Variants in NSMAF observed in about 807,000 individuals in gnomAD.
The protein encoded by NSMAF is protein FAN.
NSMAF carries 90 observed loss-of-function variants against 134.9 expected under a neutral mutation model. The ratio of observed to expected loss-of-function variants is 0.67; its 90% CI spans 0.56 to 0.79. The LOEUF is 0.79. Among genes scored for constraint, NSMAF ranks in the 30% least tolerant of loss-of-function variants. The pLI is 0.00. For synonymous variants in NSMAF, 358 were observed against 389.6 expected (o/e 0.92, Z 0.96); for missense variants, 1,010 against 1,119.0 (o/e 0.90, Z 1.39).
At chr8:58,611,859 GGA>G (rs1483102344) in intron 9 of NSMAF, among the ~76,000 whole-genome samples, 1 of 152,100 alleles carries the variant, frequency 6.6e-6, no homozygotes, top group Non-Finnish European at 1.5e-5. Context: ...ATAGGACAGA[GGA>G]AATGGAGAAG....
intron 9 of NSMAF, among the ~76,000 whole-genome samples, chr8:58,617,918 C>T (rs1806699013): frequency 6.6e-6 from 1 of 152,188 alleles, no homozygotes; most frequent in South Asian, 2.1e-4. Flanking sequence ...ACCCAAATGT[C>T]CATCAATGAT....
intron 1 of NSMAF, 136 bp downstream of exon 1, chr8:58,659,437 C>A (rs1437687264): frequency 1.3e-6 from 2 of 1,500,046 alleles, no homozygotes; most frequent in South Asian, 2.5e-5. Context: ...CCAGCCCAGG[C>A]CCTGGACACG....
At position 58,597,793 on chromosome 8, in the gene NSMAF, C is replaced by A. The variant is rs1405810864; in HGVS notation, c.1628+67G>T. On this transcript the variant is annotated intron_variant, in intron 20 of 30. Transcript: ENST00000038176. ...CCATACCTCAACCTTCAAATAAATA[C>A]ATTAATAATTTAGATAAAGACATAT... is the stretch of plus-strand genomic sequence containing the variant. The A allele has an allele frequency of 1.6e-5, 18 of 1,154,938 alleles. No individual in the cohort carries two copies. In the East Asian group the frequency reaches 3.7e-4, roughly 24 times the overall value. The allele number at this position is 1,154,938 out of a possible 1,614,324, so 71.5% of individuals were successfully genotyped here.
chr8:58,625,410 G>A (rs952850456), intron 6 of NSMAF, among the ~76,000 whole-genome samples: 2 of 152,104 alleles, frequency 1.3e-5, no homozygotes, highest in Non-Finnish European at 2.9e-5. Flanking sequence ...ATGTATGTAT[G>A]TATGTATATA....
At position 58,619,184 on chromosome 8, in the gene NSMAF, C is replaced by T. The variant is rs140301116; in HGVS notation, c.557+4036G>A. Among the ~76,000 whole-genome samples the T allele has an allele frequency of 2.6e-3, 398 of 152,190 alleles. 1 individual carries two copies. The highest frequency in any genetic ancestry group is 0.012 in the South Asian group (56 of 4,820). On this transcript the variant is annotated intron_variant, in intron 9 of 30. Transcript: ENST00000038176. ...AGTATAAAAATGGAAATAAAATTAA[C>T]GCTATATAGTGAAGCAGAGAAAGAA...
intron 9 of NSMAF, among the ~76,000 whole-genome samples, chr8:58,621,294 T>C (rs1468160516): frequency 6.6e-6 from 1 of 152,244 alleles, no homozygotes; most frequent in Non-Finnish European, 1.5e-5. Context: ...TCTTTTTTTA[T>C]GGCTGCAAAG....
chr8:58,611,232 T>C (rs10957061), intron 9 of NSMAF, among the ~76,000 whole-genome samples: 2,785 of 152,160 alleles, frequency 0.018, 101 homozygotes, highest in African/African-American at 0.063. Context: ...AAGATAACTA[T>C]AGTAAATATG....
chr8:58,599,738 G>T lies in NSMAF; in HGVS notation c.1453+12C>A. ...CATGTCTATAATACAACACCTCCAA[G>T]GGGGGACTCACTGGAAGCCCAAGGG... is the stretch of plus-strand genomic sequence containing the variant. On this transcript the variant is annotated intron_variant, in intron 18 of 30. Transcript: ENST00000038176. 2 of 1,612,476 alleles carry T rather than the reference G, an allele frequency of 1.2e-6. No homozygotes were observed. Among genetic ancestry groups the T allele is most frequent in the Non-Finnish European group, 1.7e-6 (2 of 1,179,124 alleles).
Position 58,607,794 on chromosome 8 carries a change from T to C in NSMAF, c.734A>G (p.Lys245Arg), listed in dbSNP as rs776576524. The change falls in exon 11 of 31, where the codon AAA becomes AGA. Residue 245 changes from lysine to arginine, a missense_variant. Coordinates refer to ENST00000038176, the MANE Select transcript of NSMAF (RefSeq NM_003580.4). ...CAGAGGCATGAGGCCGTGCCTCCTT[T>C]TGTAGATGCGGCGGACATCTTGGAG... ...ITLQDVRRIY[K>R]RRHGLMPLGL... 1 of 1,614,204 alleles carries C rather than the reference T, an allele frequency of 6.2e-7. No homozygotes were observed. The highest frequency in any genetic ancestry group is 1.7e-5 in the Admixed American group (1 of 60,032).
Position 58,625,010 on chromosome 8 carries a change from A to T in NSMAF, c.385-1230T>A, listed in dbSNP as rs190580189. On this transcript the variant is annotated intron_variant, in intron 6 of 30. Coordinates refer to ENST00000038176, the MANE Select transcript of NSMAF (RefSeq NM_003580.4). ...AGAGTGACCAAATATTTAGTTAAAC[A>T]TTATCCCTGGGTGTATCTGTGAGGA... Among the ~76,000 whole-genome samples, 23 of 152,298 alleles carry T rather than the reference A, an allele frequency of 1.5e-4. No individual in the cohort carries two copies. The East Asian group carries it at 3.7e-3, about 24-fold the overall frequency.
chr8:58,592,283 G>A (rs1460647432), intron 23 of NSMAF, among the ~76,000 whole-genome samples: 1 of 152,104 alleles, frequency 6.6e-6, no homozygotes, highest in East Asian at 1.9e-4. Context: ...CACTGCAGCA[G>A]CCTGGGTTCA....
In NSMAF at chr8:58,599,566, A is replaced by T. The variant is rs545725960; in HGVS notation, c.1453+184T>A. On this transcript the variant is annotated intron_variant, in intron 18 of 30. Coordinates refer to ENST00000038176, the MANE Select transcript of NSMAF (RefSeq NM_003580.4). Reference sequence around the variant, plus strand: ...ATCATTTTCACATTAAGGTCTCTCAAATATATATTAATGTTTTTACATCAC... The same window carrying T: ...ATCATTTTCACATTAAGGTCTCTCATATATATATTAATGTTTTTACATCAC... 209 of 873,800 alleles carry T rather than the reference A, an allele frequency of 2.4e-4. 2 individuals carry two copies. In the Middle Eastern group the frequency reaches 2.6e-3, roughly 11 times the overall value. The allele number at this position is 873,800 out of a possible 1,614,324, so 54.1% of individuals were successfully genotyped here.
chr8:58,636,024 T>C (rs1347620713), intron 2 of NSMAF, among the ~76,000 whole-genome samples: 2 of 152,234 alleles, frequency 1.3e-5, no homozygotes, highest in African/African-American at 4.8e-5. Flanking sequence ...ATGATTTAGT[T>C]TGCAATTCTT....
At position 58,617,718 on chromosome 8, in the gene NSMAF, G is replaced by A. The variant is rs1302056527; in HGVS notation, c.557+5502C>T. ...ACACTTTTACACTGTTGGTGGGAGT[G>A]TAAATTAGTTCAACCATTGTGGAAG... On this transcript the variant is annotated intron_variant, in intron 9 of 30. Transcript: ENST00000038176. Among the ~76,000 whole-genome samples the A allele has an allele frequency of 3.9e-5, 6 of 152,318 alleles. No homozygotes were observed. The South Asian group carries it at 1.2e-3, about 32-fold the overall frequency.
intron 6 of NSMAF, among the ~76,000 whole-genome samples, chr8:58,627,578 G>A (rs914816039): frequency 6.6e-6 from 1 of 151,952 alleles, no homozygotes; most frequent in Non-Finnish European, 1.5e-5. Context: ...GCCAAGCTAA[G>A]AATCAAATCA....
intron 9 of NSMAF, among the ~76,000 whole-genome samples, chr8:58,615,567 T>C (rs1343512136): frequency 6.6e-6 from 1 of 152,212 alleles, no homozygotes; most frequent in Non-Finnish European, 1.5e-5. Flanking sequence ...AAGTTAAACA[T>C]ACTTCTAAAT....
Position 58,613,723 on chromosome 8 carries a change from TA to T in NSMAF, c.558-3991del, listed in dbSNP as rs749159289. Among the ~76,000 whole-genome samples the T allele has an allele frequency of 4.1e-4, 63 of 152,230 alleles. 1 individual carries two copies. Among genetic ancestry groups the T allele is most frequent in the Admixed American group, 2.0e-4 (3 of 15,286 alleles). On this transcript the variant is annotated intron_variant, in intron 9 of 30. Coordinates refer to ENST00000038176, the MANE Select transcript of NSMAF (RefSeq NM_003580.4). ...AGTAGATACATAAATACTATTATATTATAATTGCCTATAGCATTTAGTACAA... is the reference window on the plus strand; with the variant it reads ...AGTAGATACATAAATACTATTATATTTAATTGCCTATAGCATTTAGTACAA...
intron 28 of NSMAF, chr8:58,586,249 T>C (rs1311827264): frequency 4.8e-6 from 3 of 621,576 alleles, no homozygotes; most frequent in Non-Finnish European, 8.4e-6. Context: ...GAATTAAAAA[T>C]ACCCAGTCCG....
intron 1 of NSMAF, among the ~76,000 whole-genome samples, chr8:58,650,333 T>C (rs928473384): frequency 6.6e-6 from 1 of 152,214 alleles, no homozygotes; most frequent in African/African-American, 2.4e-5. Context: ...TTTGGGGCTT[T>C]AACCTTTTTG....
Sources: gnomAD v4.1 joint callset for allele counts (sites outside exome capture counted in the v4.1 genomes callset) on GRCh38, gnomAD v4.1.1 for gene constraint, MANE v1.5 for transcripts, NCBI Gene and HGNC (gene_info 2026-07-23, HGNC 2026-07-21) for gene names.